Variants in NRCAM observed in about 807,000 individuals in gnomAD.
The protein encoded by NRCAM is NgCAM-related cell adhesion molecule.
NRCAM carries 83 observed loss-of-function variants against 156.5 expected under a neutral mutation model. The ratio of observed to expected loss-of-function variants is 0.53; its 90% confidence interval spans 0.44 to 0.64. The LOEUF is 0.64. Among genes scored for constraint, NRCAM ranks in the 30% least tolerant of loss-of-function variants. NRCAM has a pLI of 0.00. For missense variants in NRCAM, 1,417 were observed against 1,597.3 expected (o/e 0.89, Z 1.92); for synonymous variants, 538 against 563.9 (o/e 0.95, Z 0.65).
intron 3 of NRCAM, among the ~76,000 whole-genome samples, chr7:108,310,530 T>C (rs1016827221): frequency 5.9e-5 from 9 of 152,196 alleles, no homozygotes; most frequent in African/African-American, 2.2e-4. Context: ...TCCACAATTC[T>C]GGCTGCATGC....
intron 2 of NRCAM, among the ~76,000 whole-genome samples, chr7:108,395,325 A>C (rs1255976004): frequency 6.6e-6 from 1 of 152,230 alleles, no homozygotes; most frequent in Non-Finnish European, 1.5e-5. Flanking sequence ...TGGAGAGTGA[A>C]AATTCAAATG....
chr7:108,291,980 C>T (rs1462808286), intron 3 of NRCAM, among the ~76,000 whole-genome samples: 7 of 152,244 alleles, frequency 4.6e-5, no homozygotes, highest in East Asian at 3.9e-4. Flanking sequence ...AGCTGTGCAG[C>T]GGAGGAAAGG....
At chr7:108,339,743 C>A (rs185369613) in intron 2 of NRCAM, among the ~76,000 whole-genome samples, 6 of 151,678 alleles carry the variant, frequency 4.0e-5, no homozygotes, top group African/African-American at 9.7e-5. Flanking sequence ...GGACGCTCTA[C>A]GACTAATGCT....
chr7:108,399,171 TTG>T (rs142946755), intron 2 of NRCAM, among the ~76,000 whole-genome samples: 4 of 150,172 alleles, frequency 2.7e-5, no homozygotes, highest in Non-Finnish European at 3.0e-5. Context: ...GTGTGTGTGT[TTG>T]TGTGTGTGTG....
chr7:108,200,160 G>A (rs763088887), intron 13 of NRCAM, among the ~76,000 whole-genome samples: 2 of 152,118 alleles, frequency 1.3e-5, no homozygotes, highest in African/African-American at 2.4e-5. Context: ...TGGGGGTGTC[G>A]AGATACTTTG....
chr7:108,348,802 G>C (rs1053106685), intron 2 of NRCAM, among the ~76,000 whole-genome samples: 5 of 151,662 alleles, frequency 3.3e-5, no homozygotes, highest in Non-Finnish European at 7.4e-5. Flanking sequence ...TCGGGAGGCT[G>C]AGGCAGGAGA....
intron 3 of NRCAM, among the ~76,000 whole-genome samples, chr7:108,255,455 C>T (rs536287623): frequency 7.9e-5 from 12 of 152,200 alleles, no homozygotes; most frequent in South Asian, 4.1e-4. Flanking sequence ...GACGGAGTCT[C>T]GCTCACTCAG....
chr7:108,443,897 T>TAGATAGATAGATAGAG, intron 1 of NRCAM, among the ~76,000 whole-genome samples: 1 of 149,688 alleles, frequency 6.7e-6, no homozygotes, highest in South Asian at 2.1e-4. Flanking sequence ...GATAGATACA[T>TAGATAGATAGATAGAG]ACATACATAC....
chr7:108,149,992 C>A lies in NRCAM; in HGVS notation c.3833G>T (p.Gly1278Val), dbSNP rs1482614687. The A allele has an allele frequency of 6.2e-7, 1 of 1,613,906 alleles. No homozygotes were observed. The highest frequency in any genetic ancestry group is 1.3e-5 in the African/African-American group (1 of 74,904). ...TTCAGCCGGCTCTTTCTCTTTCTTA[C>A]CACTGTATTGTCCAATAAAGGAGCC... The part of the protein sequence containing the change: ...EDGSFIGQYS[G>V]KKEKEPAEGN... Residue 1278 changes from glycine (G) to valine (V), a missense_variant, in exon 33 of 33, where the codon GGT becomes GTT. By Grantham distance (109) the Gly-to-Val change is moderately radical (BLOSUM62 -3). Coordinates refer to ENST00000379028, the MANE Select transcript of NRCAM (RefSeq NM_001037132.4).
intron 8 of NRCAM, among the ~76,000 whole-genome samples, chr7:108,226,946 T>C (rs930415237): frequency 2.0e-5 from 3 of 152,162 alleles, no homozygotes; most frequent in African/African-American, 7.2e-5. Context: ...TAACTGGGTG[T>C]GATGATGACA....
intron 11 of NRCAM, among the ~76,000 whole-genome samples, chr7:108,214,042 T>C (rs567349074): frequency 1.9e-4 from 29 of 152,340 alleles, no homozygotes; most frequent in Non-Finnish European, 3.1e-4. Flanking sequence ...ATCAGGGATA[T>C]TGGCCTGAAA....
At chr7:108,369,885 G>C (rs1317613904) in intron 2 of NRCAM, among the ~76,000 whole-genome samples, 1 of 152,040 alleles carries the variant, frequency 6.6e-6, no homozygotes, top group Non-Finnish European at 1.5e-5. Flanking sequence ...TTGAACTTTA[G>C]CATCATTTGG....
intron 32 of NRCAM, among the ~76,000 whole-genome samples, chr7:108,155,227 A>C (rs1026068049): frequency 6.6e-6 from 1 of 151,678 alleles, no homozygotes; most frequent in Non-Finnish European, 1.5e-5. Flanking sequence ...GTAAAAATTC[A>C]TTCACATTTT....
In NRCAM at chr7:108,231,147, G is replaced by T; in HGVS notation, c.434C>A (p.Pro145Gln). ...TTCAAGTTTTTCTTTGGTCCACAAT[G>T]GTGATCCTATTAAATAAAAAAATAA... ...NNIVVRPSRSPLWTKEKLEPI... is the reference protein window; with the variant it reads ...NNIVVRPSRSQLWTKEKLEPI... The change falls in exon 8 of 33, where the codon CCA (proline) becomes CAA (glutamine). Residue 145 changes from proline (P) to glutamine (Q), a missense_variant. By Grantham distance (76) the Pro-to-Gln change is moderately conservative. Around this residue, in one of 2 missense-constraint regions of NRCAM, gnomAD observed 1,238 missense variants for 1,336.4 expected, o/e 0.93. Transcript: ENST00000379028. The T allele has an allele frequency of 6.3e-7, 1 of 1,581,372 alleles. No individual in the cohort carries two copies. Among genetic ancestry groups the T allele is most frequent in the Non-Finnish European group, 8.6e-7 (1 of 1,169,426 alleles).
At chr7:108,321,502 C>T (rs1422680953) in intron 2 of NRCAM, among the ~76,000 whole-genome samples, 1 of 152,158 alleles carries the variant, frequency 6.6e-6, no homozygotes, top group Non-Finnish European at 1.5e-5. Flanking sequence ...GAGAGATCCA[C>T]CCCCATGAGT....
intron 2 of NRCAM, among the ~76,000 whole-genome samples, chr7:108,375,052 G>A (rs1251961538): frequency 1.3e-5 from 2 of 151,984 alleles, no homozygotes; most frequent in East Asian, 3.9e-4. Flanking sequence ...AAGCTAGAAG[G>A]CTAGCCACCC....
rs142327236 is a variant in NRCAM, at chr7:108,203,332, A to G, written c.1207+4196T>C. On this transcript the variant is annotated intron_variant, in intron 13 of 32. Transcript: ENST00000379028. ...TCCACATTTATTTAATACAGCCTGTAATTTTTGCTTCAAGGAAAGCTTTAA... is the reference window on the plus strand; with the variant it reads ...TCCACATTTATTTAATACAGCCTGTGATTTTTGCTTCAAGGAAAGCTTTAA... Among the ~76,000 whole-genome samples, 964 of 152,270 alleles carry G rather than the reference A, an allele frequency of 6.3e-3. 15 individuals are homozygous for G. The highest frequency in any genetic ancestry group is 0.022 in the African/African-American group (920 of 41,546).
chr7:108,191,808 G>A lies in NRCAM; in HGVS notation c.1824C>T (p.Asp608=), dbSNP rs371709717. The change falls in exon 18 of 33, where the codon GAC becomes GAT. Residue 608 remains aspartate, a synonymous_variant. Transcript: ENST00000379028. ...KDHLVVADVS[D]DDSGTYTCVA... ...CACACGTGTAGGTCCCGCTGTCATC[G>A]TCACTGACATCAGCTACCACTAGAT... 5.6e-5 allele frequency: 91 copies of A among 1,613,412 alleles called. No individual in the cohort carries two copies. Among genetic ancestry groups the A allele is most frequent in the African/African-American group, 1.2e-4 (9 of 74,822 alleles).
chr7:108,446,054 C>T (rs1843775999), intron 1 of NRCAM, among the ~76,000 whole-genome samples: 1 of 152,152 alleles, frequency 6.6e-6, no homozygotes, highest in South Asian at 2.1e-4. Flanking sequence ...ACCCAGAGAC[C>T]TCCGGAGGAA....
Sources: allele counts gnomAD v4.1 joint callset (sites outside exome capture counted in the v4.1 genomes callset), GRCh38; gene constraint gnomAD v4.1.1; regional missense constraint gnomAD v4.1.1; transcripts MANE v1.5; gene names NCBI Gene and HGNC (gene_info 2026-07-23, HGNC 2026-07-21).